TAMALIN: variants seen among roughly 807,000 people sequenced by gnomAD.
TAMALIN encodes the protein trafficking regulator and scaffold protein tamalin.
A neutral mutation model predicts 38.5 loss-of-function variants in TAMALIN; 9 were observed. The observed-to-expected ratio is 0.23, with a 90% CI of 0.14 to 0.41. The LOEUF is 0.41. TAMALIN is among the 10% of genes least tolerant of loss of function. The pLI, the probability that TAMALIN is intolerant of heterozygous loss-of-function variation, is 1.00. For missense variants in TAMALIN, 548 were observed against 554.1 expected (o/e 0.99, Z 0.11); for synonymous variants, 306 against 256.5 (o/e 1.19, Z -1.85).
At position 52,007,832 on chromosome 12, in the gene TAMALIN, T is replaced by A. The variant is rs1217396256; in HGVS notation, c.246+567T>A. On this transcript the variant is annotated intron_variant, in intron 1 of 7. Transcript: ENST00000293662. This position sits in a 1 kb window ranked among gnomAD's most constrained non-coding sequence, Gnocchi z 6.7. ...CTGACGTACGGGGCGCGAGGGCCAC[T>A]GCTCCCTGGACTTCTGTCGGAACCG... The A allele has an allele frequency of 1.0e-6, 1 of 985,324 alleles. No homozygotes were observed. The highest frequency in any genetic ancestry group is 1.1e-4 in the East Asian group (1 of 8,804). 61.0% of individuals were successfully genotyped at this position (985,324 alleles called of 1,614,324 possible).
intron 7 of TAMALIN, 138 bp from the exon 8 acceptor site, chr12:52,014,556 C>G (rs1430167022): frequency 6.0e-6 from 4 of 666,060 alleles, no homozygotes; most frequent in Non-Finnish European, 7.5e-6. Context: ...AGTAGGGTCT[C>G]AGGTTTGTGC....
chr12:52,014,212 C>A lies in TAMALIN; in HGVS notation c.682+11C>A. On this transcript the variant is annotated intron_variant, in intron 7 of 7. Coordinates refer to ENST00000293662, the MANE Select transcript of TAMALIN (RefSeq NM_181711.4). ...AGCGGCTGGTGCATGGTGAGTAGAT[C>A]CCGGGGTGTGAGGGGCCACTTGTTC... is the stretch of plus-strand genomic sequence containing the variant. 1 of 1,590,136 alleles carries A rather than the reference C, an allele frequency of 6.3e-7. No individual in the cohort carries two copies. The highest frequency in any genetic ancestry group is 8.6e-7 in the Non-Finnish European group (1 of 1,167,332).
chr12:52,010,981 C>T (rs1220726081), intron 3 of TAMALIN, 46 bp downstream of exon 3: 2 of 1,613,892 alleles, frequency 1.2e-6, no homozygotes, highest in East Asian at 4.5e-5. Flanking sequence ...GATGACCAGC[C>T]TGAGGGATGA....
chr12:52,014,226 G>A, intron 7 of TAMALIN, 25 bp downstream of exon 7: 2 of 1,571,510 alleles, frequency 1.3e-6, no homozygotes, highest in South Asian at 1.2e-5. Flanking sequence ...GGGTGTGAGG[G>A]GCCACTTGTT....
Position 52,007,111 on chromosome 12 carries a change from C to T in TAMALIN, c.92C>T (p.Ala31Val). The T allele has an allele frequency of 6.7e-7, 1 of 1,482,226 alleles. No homozygotes were observed. The allele number at this position is 1,482,226 out of a possible 1,614,324, so 91.8% of individuals were successfully genotyped here. ...GCCCGGACTCCCGACTCGGAAGTCG[C>T]GCCCGCCGCTCCGGTCCCGACCCCG... ...PAARTPDSEV[A>V]PAAPVPTPGP... The change falls in exon 1 of 8, where the codon GCG becomes GTG. Residue 31 changes from alanine to valine, a missense_variant. By Grantham distance (64) the Ala-to-Val change is moderately conservative. This residue lies in a region of TAMALIN where 128 missense variants were observed against 117.9 expected (regional missense o/e 1.09). Transcript: ENST00000293662. This position sits in a 1 kb window ranked among gnomAD's most constrained non-coding sequence, Gnocchi z 6.7.
intron 7 of TAMALIN, 36 bp downstream of exon 7, chr12:52,014,237 C>G (rs764282425): frequency 1.3e-6 from 2 of 1,517,404 alleles, no homozygotes; most frequent in Non-Finnish European, 1.8e-6. Flanking sequence ...GCCACTTGTT[C>G]TGCTACAGAC....
rs1045093475 is a variant in TAMALIN, at chr12:52,015,462, C to A, written c.*263C>A. 7 of 441,760 alleles carry A rather than the reference C, an allele frequency of 1.6e-5. No homozygotes were observed. The highest frequency in any genetic ancestry group is 2.9e-5 in the Non-Finnish European group (7 of 242,960). The allele number at this position is 441,760 out of a possible 1,614,324, so 27.4% of individuals were successfully genotyped here. ...ATCGGGGGCCAAAGATGGGGGTGCT[C>A]GCCTACAGTCTGCATCTGTAGTGCC... is the stretch of plus-strand genomic sequence containing the variant. On this transcript the variant is annotated 3_prime_UTR_variant, in exon 8 of 8. Transcript: ENST00000293662.
At position 52,014,840 on chromosome 12, in the gene TAMALIN, A is replaced by G; in HGVS notation, c.829A>G (p.Arg277Gly). The change falls in exon 8 of 8, where the codon AGG becomes GGG. Residue 277 changes from arginine to glycine, a missense_variant. Arg to Gly is a moderately radical substitution (Grantham distance 125). Around this residue, in one of 3 missense-constraint regions of TAMALIN, gnomAD observed 415 missense variants for 417.0 expected, o/e 1.00. Coordinates refer to ENST00000293662, the MANE Select transcript of TAMALIN (RefSeq NM_181711.4). Reference protein sequence around the residue: ...GRPRGGARRARGDADDAVYHT... With the variant: ...GRPRGGARRAGGDADDAVYHT... Reference sequence around the variant, plus strand: ...TCCCCGCGGAGGCGCCCGACGGGCCAGGGGCGACGCCGACGACGCCGTCTA... The same window carrying G: ...TCCCCGCGGAGGCGCCCGACGGGCCGGGGGCGACGCCGACGACGCCGTCTA... The G allele has an allele frequency of 7.8e-7, 1 of 1,283,586 alleles. No homozygotes were observed. 79.5% of individuals were successfully genotyped at this position (1,283,586 alleles called of 1,614,324 possible).
chr12:52,008,237 G>A, intron 1 of TAMALIN: 1 of 985,360 alleles, frequency 1.0e-6, no homozygotes, highest in Non-Finnish European at 1.2e-6. Context: ...TTGGGGGAGG[G>A]TTAGCAAAGG....
chr12:52,015,081 A>C lies in TAMALIN; in HGVS notation c.1070A>C (p.Glu357Ala). 5 of 1,519,998 alleles carry C rather than the reference A, an allele frequency of 3.3e-6. No homozygotes were observed. Among genetic ancestry groups the C allele is most frequent in the Non-Finnish European group, 3.5e-6 (4 of 1,142,320 alleles). The allele number at this position is 1,519,998 out of a possible 1,614,324, so 94.2% of individuals were successfully genotyped here. Reference sequence around the variant, plus strand: ...GGCGCGCTCTGGACTGAGGCTCGCGAGCAGGCCCTATGCGGCCCCGGCCTG... The same window carrying C: ...GGCGCGCTCTGGACTGAGGCTCGCGCGCAGGCCCTATGCGGCCCCGGCCTG... ...APGALWTEAR[E>A]QALCGPGLRK... The change falls in exon 8 of 8, where the codon GAG becomes GCG. Residue 357 changes from glutamate to alanine, a missense_variant. Coordinates refer to ENST00000293662, the MANE Select transcript of TAMALIN (RefSeq NM_181711.4).
chr12:52,010,807 A>T (rs1398938796), intron 2 of TAMALIN, 74 bp from the exon 3 acceptor site: 2 of 1,511,652 alleles, frequency 1.3e-6, no homozygotes, highest in African/African-American at 2.7e-5. Flanking sequence ...AGTTGCCAAT[A>T]TCCAGGGAGG....
Position 52,007,979 on chromosome 12 carries a change from C to A in TAMALIN, c.246+714C>A, listed in dbSNP as rs1439782825. On this transcript the variant is annotated intron_variant, in intron 1 of 7. Coordinates refer to ENST00000293662, the MANE Select transcript of TAMALIN (RefSeq NM_181711.4). The surrounding 1 kb of genome is among the most constrained non-coding windows in gnomAD (Gnocchi z 6.7). ...CAGGAGACCTGAGGCTCAGAACCTACACAACACCAGGTTAAGAAGAGGGGC... is the reference window on the plus strand; with the variant it reads ...CAGGAGACCTGAGGCTCAGAACCTAAACAACACCAGGTTAAGAAGAGGGGC... The A allele has an allele frequency of 1.7e-5, 17 of 985,358 alleles. No homozygotes were observed. In the Admixed American group the frequency reaches 1.0e-3, roughly 61 times the overall value. The allele number at this position is 985,358 out of a possible 1,614,324, so 61.0% of individuals were successfully genotyped here.
rs1565630781 is a variant in TAMALIN, at chr12:52,011,010, T to G, written c.352-29T>G. 15 of 1,613,848 alleles carry G rather than the reference T, an allele frequency of 9.3e-6. No individual in the cohort carries two copies. The highest frequency in any genetic ancestry group is 1.3e-5 in the Non-Finnish European group (15 of 1,180,006). ...GGGATGAACGGACTTGTCCCAACCC[T>G]GGGCTGAGGGTCCCCTTGTCCATTA... On this transcript the variant is annotated intron_variant, in intron 3 of 7. Transcript: ENST00000293662. This position sits in a 1 kb window ranked among gnomAD's most constrained non-coding sequence, Gnocchi z 5.3.
chr12:52,007,913 C>T lies in TAMALIN; in HGVS notation c.246+648C>T. On this transcript the variant is annotated intron_variant, in intron 1 of 7. Coordinates refer to ENST00000293662, the MANE Select transcript of TAMALIN (RefSeq NM_181711.4). The surrounding 1 kb of genome is among the most constrained non-coding windows in gnomAD (Gnocchi z 6.7). ...CGGGGCAGGAAGGATGCGGGCCGCG[C>T]CCACCTCTGAGTCCCCTCTGCCAGC... 1 of 985,402 alleles carries T rather than the reference C, an allele frequency of 1.0e-6. No individual in the cohort carries two copies. Among genetic ancestry groups the T allele is most frequent in the Non-Finnish European group, 1.2e-6 (1 of 829,898 alleles). 61.0% of individuals were successfully genotyped at this position (985,402 alleles called of 1,614,324 possible).
chr12:52,011,062 G>A lies in TAMALIN; in HGVS notation c.375G>A (p.Glu125=), dbSNP rs2120837928. ...EIQTYGLHHR[E]EQRVEMVTFV... ...AGACTTATGGCCTTCACCACCGGGAGGAGCAGCGTGTGGAAATGGTGACCT... is the reference window on the plus strand; with the variant it reads ...AGACTTATGGCCTTCACCACCGGGAAGAGCAGCGTGTGGAAATGGTGACCT... The change falls in exon 4 of 8, where the codon GAG becomes GAA. Residue 125 remains glutamate (E), a synonymous_variant. Coordinates refer to ENST00000293662, the MANE Select transcript of TAMALIN (RefSeq NM_181711.4). This position sits in a 1 kb window ranked among gnomAD's most constrained non-coding sequence, Gnocchi z 5.3. 1 of 1,613,424 alleles carries A rather than the reference G, an allele frequency of 6.2e-7. No individual in the cohort carries two copies. Among genetic ancestry groups the A allele is most frequent in the Non-Finnish European group, 8.5e-7 (1 of 1,180,014 alleles).
Position 52,007,693 on chromosome 12 carries a change from CGCG to C in TAMALIN, c.246+429_246+431del. The C allele has an allele frequency of 1.0e-6, 1 of 985,406 alleles. No individual in the cohort carries two copies. 61.0% of individuals were successfully genotyped at this position (985,406 alleles called of 1,614,324 possible). A position where few individuals can be genotyped will look rare whatever the true frequency, so the allele number is the denominator to read the frequency against. On this transcript the variant is annotated intron_variant, in intron 1 of 7. Coordinates refer to ENST00000293662, the MANE Select transcript of TAMALIN (RefSeq NM_181711.4). The surrounding 1 kb of genome is among the most constrained non-coding windows in gnomAD (Gnocchi z 6.7). ...GGGAGAAGCGGGCCGGTGGCTGCGCCGCGTGCGTTCTCACTCTGAGGAAGTGCG... is the reference window on the plus strand; with the variant it reads ...GGGAGAAGCGGGCCGGTGGCTGCGCCTGCGTTCTCACTCTGAGGAAGTGCG...
At chr12:52,013,074 TC>T (rs376734685) in intron 4 of TAMALIN, among the ~76,000 whole-genome samples, 4 of 138,114 alleles carry the variant, frequency 2.9e-5, no homozygotes, top group Admixed American at 7.1e-5. Context: ...GGACAGAACT[TC>T]TTTTTTTTTT....
chr12:52,014,044 C>T (rs1565632057), intron 6 of TAMALIN, 91 bp from the exon 7 acceptor site: 1 of 1,546,900 alleles, frequency 6.5e-7, no homozygotes, highest in Non-Finnish European at 8.9e-7. Context: ...CTGAAGATTT[C>T]TTTTGTCTAC....
In TAMALIN at chr12:52,014,861, G is replaced by A; in HGVS notation, c.850G>A (p.Val284Ile). The change falls in exon 8 of 8, where the codon GTC (valine) becomes ATC (isoleucine). Residue 284 changes from valine to isoleucine, a missense_variant. Physicochemically the swap from Val to Ile is conservative, Grantham distance 29. Coordinates refer to ENST00000293662, the MANE Select transcript of TAMALIN (RefSeq NM_181711.4). ...RRARGDADDA[V>I]YHTCFFGDSE... ...GGCCAGGGGCGACGCCGACGACGCC[G>A]TCTACCACACGTGCTTCTTCGGGGA... 2.4e-6 allele frequency: 3 copies of A among 1,268,590 alleles called. No individual in the cohort carries two copies. The highest frequency in any genetic ancestry group is 3.0e-6 in the Non-Finnish European group (3 of 1,003,622). The allele number at this position is 1,268,590 out of a possible 1,614,324, so 78.6% of individuals were successfully genotyped here. A position where few individuals can be genotyped will look rare whatever the true frequency, so the allele number is the denominator to read the frequency against.
Sources: allele counts gnomAD v4.1 joint callset (sites outside exome capture counted in the v4.1 genomes callset), GRCh38; gene constraint gnomAD v4.1.1; regional missense constraint gnomAD v4.1.1; non-coding constraint Gnocchi (gnomAD v3.1); transcripts MANE v1.5; gene names NCBI Gene and HGNC (gene_info 2026-07-23, HGNC 2026-07-21).